SH3RF3: variants seen among roughly 807,000 people sequenced by gnomAD.
The protein encoded by SH3RF3 is E3 ubiquitin-protein ligase SH3RF3.
SH3RF3 carries 29 observed loss-of-function variants against 66.3 expected under a neutral mutation model. That is an observed-to-expected ratio of 0.44 (90% CI 0.33 to 0.60). The LOEUF is 0.60. Among genes scored for constraint, SH3RF3 ranks in the 20% least tolerant of loss-of-function variants. The probability of loss-of-function intolerance (pLI) is 0.04; values close to 1 mark genes in which losing one functional copy is unlikely to be tolerated. For synonymous variants in SH3RF3, 583 were observed against 532.0 expected (o/e 1.10, Z -1.32); for missense variants, 1,194 against 1,190.9 (o/e 1.00, Z -0.04).
intron 8 of SH3RF3, among the ~76,000 whole-genome samples, chr2:109,451,413 T>C (rs1050432278): frequency 3.3e-5 from 5 of 152,168 alleles, no homozygotes. Context: ...ACTTGGAAAG[T>C]GGGGGCTGTA....
At chr2:109,206,236 A>T (rs1233025942) in intron 1 of SH3RF3, among the ~76,000 whole-genome samples, 1 of 152,110 alleles carries the variant, frequency 6.6e-6, no homozygotes, top group African/African-American at 2.4e-5. Flanking sequence ...CACGCCTGTA[A>T]TCCCAGCACT....
At chr2:109,496,805 T>C (rs1679273556) in intron 9 of SH3RF3, among the ~76,000 whole-genome samples, 1 of 152,244 alleles carries the variant, frequency 6.6e-6, no homozygotes, top group Non-Finnish European at 1.5e-5. Flanking sequence ...CAGATGGAAT[T>C]AAAGTTGCTA....
chr2:109,181,842 CT>C (rs1223491946), intron 1 of SH3RF3, among the ~76,000 whole-genome samples: 2 of 152,030 alleles, frequency 1.3e-5, no homozygotes, highest in East Asian at 1.9e-4. Context: ...TGACCTACAC[CT>C]TTTTTTTCCA....
intron 8 of SH3RF3, among the ~76,000 whole-genome samples, chr2:109,485,878 C>T (rs779417124): frequency 6.6e-6 from 1 of 152,274 alleles, no homozygotes; most frequent in Non-Finnish European, 1.5e-5. Flanking sequence ...TCGCAAGCCT[C>T]CAGTCCCTGG....
At chr2:109,420,828 G>T (rs1676857963) in intron 5 of SH3RF3, among the ~76,000 whole-genome samples, 1 of 152,162 alleles carries the variant, frequency 6.6e-6, no homozygotes. Flanking sequence ...TCAGCTGCTG[G>T]CACACACTCA....
intron 1 of SH3RF3, among the ~76,000 whole-genome samples, chr2:109,269,648 G>A (rs149722726): frequency 7.2e-5 from 11 of 152,318 alleles, no homozygotes; most frequent in African/African-American, 2.6e-4. Context: ...GGACATGGTG[G>A]CGTGTGCCTA....
chr2:109,455,757 G>T (rs7425730), intron 8 of SH3RF3, among the ~76,000 whole-genome samples: 83,756 of 152,026 alleles, frequency 0.55, 23,313 homozygotes, highest in Admixed American at 0.56. Flanking sequence ...ACAGGCAGCC[G>T]GGGAAGCCAG....
At chr2:109,308,047 A>G (rs1165059838) in intron 1 of SH3RF3, among the ~76,000 whole-genome samples, 1 of 147,178 alleles carries the variant, frequency 6.8e-6, no homozygotes, top group Admixed American at 6.7e-5. Context: ...CCAACAGTGT[A>G]AAGTGTTCCT....
At chr2:109,244,426 G>A (rs1274069278) in intron 1 of SH3RF3, among the ~76,000 whole-genome samples, 1 of 152,168 alleles carries the variant, frequency 6.6e-6, no homozygotes, top group African/African-American at 2.4e-5. Flanking sequence ...AAAACCATCA[G>A]TACTGATTTT....
chr2:109,223,252 G>T (rs1679295383), intron 1 of SH3RF3, among the ~76,000 whole-genome samples: 1 of 152,178 alleles, frequency 6.6e-6, no homozygotes, highest in Non-Finnish European at 1.5e-5. Flanking sequence ...CCAGGAGTTG[G>T]CTGTTACCAG....
rs1224434818 is a variant in SH3RF3 at position 109,129,609 on chromosome 2, C to G, written c.69C>G (p.Asp23Glu). The change falls in exon 1 of 10, where the codon GAC becomes GAG. Residue 23 changes from aspartate to glutamate, a missense_variant. By Grantham distance (45) the Asp-to-Glu change is conservative. Coordinates refer to ENST00000309415, the MANE Select transcript of SH3RF3 (RefSeq NM_001099289.3). ...CCGCTGCTGCGCAGAGCGAGGGCGACGAGGACAGGCCAGGCGAGCGACGGC... is the reference window on the plus strand; with the variant it reads ...CCGCTGCTGCGCAGAGCGAGGGCGAGGAGGACAGGCCAGGCGAGCGACGGC... ...AAAAAAQSEG[D>E]EDRPGERRRR... 5.4e-6 allele frequency: 8 copies of G among 1,480,980 alleles called. No individual in the cohort carries two copies. The highest frequency in any genetic ancestry group is 2.6e-5 in the South Asian group (2 of 76,348). The allele number at this position is 1,480,980 out of a possible 1,614,324, so 91.7% of individuals were successfully genotyped here. A position where few individuals can be genotyped will look rare whatever the true frequency, so the allele number is the denominator to read the frequency against.
At chr2:109,361,284 T>C (rs1683046508) in intron 2 of SH3RF3, among the ~76,000 whole-genome samples, 1 of 152,236 alleles carries the variant, frequency 6.6e-6, no homozygotes, top group Non-Finnish European at 1.5e-5. Flanking sequence ...GTCTGTAATT[T>C]TCTTGCAATG....
intron 1 of SH3RF3, among the ~76,000 whole-genome samples, chr2:109,338,033 CCTT>C (rs1354463707): frequency 2.6e-5 from 4 of 151,970 alleles, no homozygotes. Context: ...CGCCCAGGCT[CCTT>C]CTGTTTTTGA....
At chr2:109,176,733 T>C (rs1386436683) in intron 1 of SH3RF3, among the ~76,000 whole-genome samples, 2 of 152,002 alleles carry the variant, frequency 1.3e-5, no homozygotes, top group Non-Finnish European at 2.9e-5. Context: ...CCAGACCCTG[T>C]CTCTAAAAAA....
intron 1 of SH3RF3, among the ~76,000 whole-genome samples, chr2:109,234,694 G>T (rs1482741869): frequency 6.6e-6 from 1 of 152,228 alleles, no homozygotes; most frequent in Non-Finnish European, 1.5e-5. Context: ...CTGATGAGAA[G>T]AGAGTGAGGC....
intron 1 of SH3RF3, among the ~76,000 whole-genome samples, chr2:109,187,792 C>T (rs544660846): frequency 2.6e-5 from 4 of 152,314 alleles, no homozygotes; most frequent in Non-Finnish European, 4.4e-5. Flanking sequence ...GGCTTGCTTC[C>T]GACTTCCCTC....
chr2:109,383,386 G>C (rs13419404), intron 3 of SH3RF3, among the ~76,000 whole-genome samples: 1 of 152,154 alleles, frequency 6.6e-6, no homozygotes, highest in Non-Finnish European at 1.5e-5. Flanking sequence ...TACAGGTCTC[G>C]GTTGCTGTTG....
Position 109,138,995 on chromosome 2 carries a change from G to A in SH3RF3, c.573+8882G>A, listed in dbSNP as rs150052947. Among the ~76,000 whole-genome samples, 6 of 152,344 alleles carry A rather than the reference G, an allele frequency of 3.9e-5. No homozygotes were observed. In the East Asian group the frequency reaches 1.2e-3, roughly 29 times the overall value. On this transcript the variant is annotated intron_variant, in intron 1 of 9. Coordinates refer to ENST00000309415, the MANE Select transcript of SH3RF3 (RefSeq NM_001099289.3). ...GTGGTAATAAGAGACATGAAGACAA[G>A]GGGCCACAGCCTGATGATGGCAGGG... is the stretch of plus-strand genomic sequence containing the variant.
intron 1 of SH3RF3, among the ~76,000 whole-genome samples, chr2:109,287,311 T>C (rs2105356846): frequency 6.6e-6 from 1 of 152,246 alleles, no homozygotes; most frequent in Non-Finnish European, 1.5e-5. Flanking sequence ...GATGCCCTGG[T>C]GGAGAGGCGA....
Sources: gnomAD v4.1 joint callset for allele counts (sites outside exome capture counted in the v4.1 genomes callset) on GRCh38, gnomAD v4.1.1 for gene constraint, MANE v1.5 for transcripts, NCBI Gene and HGNC (gene_info 2026-07-23, HGNC 2026-07-21) for gene names.